Variants in MAJIN observed in about 807,000 individuals in gnomAD.
MAJIN encodes membrane anchored junction protein.
In MAJIN, 27 loss-of-function variants were observed where a neutral mutation model predicts 30.2. The ratio of observed to expected loss-of-function variants is 0.89; its 90% CI spans 0.66 to 1.23. MAJIN has a LOEUF of 1.23. Ranked by LOEUF, MAJIN falls within the 50% of genes most tolerant of loss-of-function variation. The probability of loss-of-function intolerance (pLI) is 0.00; values close to 1 mark genes in which losing one functional copy is unlikely to be tolerated. For synonymous variants in MAJIN, 78 were observed against 91.6 expected, an observed-to-expected ratio of 0.85 and a Z score of 0.85; for missense variants, 253 against 260.3, an observed-to-expected ratio of 0.97 and a Z score of 0.19.
intron 10 of MAJIN, 31 bp downstream of exon 10, chr11:64,939,630 TC>T: frequency 6.3e-7 from 1 of 1,586,618 alleles, no homozygotes; most frequent in Non-Finnish European, 8.6e-7. Flanking sequence ...GAGCTGGATC[TC>T]GAGTCTGATG....
At chr11:64,948,602 C>CATTCATACATATAT (rs1179607088) in intron 6 of MAJIN, among the ~76,000 whole-genome samples, 1 of 19,420 alleles carries the variant, frequency 5.1e-5, no homozygotes, top group Non-Finnish European at 8.2e-5. Context: ...CGGGCTACAT[C>CATTCATACATATAT]ATATATATAT....
intron 8 of MAJIN, chr11:64,946,160 T>C (rs1565124081): frequency 6.5e-7 from 1 of 1,533,614 alleles, no homozygotes; most frequent in South Asian, 1.2e-5. Flanking sequence ...GGCCCTGAGG[T>C]GGGGGGAAAA....
intron 1 of MAJIN, among the ~76,000 whole-genome samples, chr11:64,969,485 T>G (rs1590711211): frequency 6.8e-6 from 1 of 147,720 alleles, no homozygotes; most frequent in Non-Finnish European, 1.5e-5. Flanking sequence ...ACCAGATGGC[T>G]GTGACTTAAA....
chr11:64,941,516 G>A (rs987108303), intron 8 of MAJIN, among the ~76,000 whole-genome samples: 1 of 152,120 alleles, frequency 6.6e-6, no homozygotes, highest in African/African-American at 2.4e-5. Flanking sequence ...AATCAGCCGG[G>A]CGTGGTGGCA....
In MAJIN at chr11:64,940,835, C is replaced by CTTTTTTTTTTTTTTTTTTTTTTTTTTT. The variant is rs1168979344; in HGVS notation, c.474-190_474-189insAAAAAAAAAAAAAAAAAAAAAAAAAAA. On this transcript the variant is annotated intron_variant, in intron 8 of 10. Coordinates refer to ENST00000301896, the MANE Select transcript of MAJIN (RefSeq NM_001037225.3). ...CCTTTTTTCTTTTCTTTTTTTCTTTCTTTTTTTTTTTTTTTTTTTTTGAGA... is the reference window on the plus strand; with the variant it reads ...CCTTTTTTCTTTTCTTTTTTTCTTTCTTTTTTTTTTTTTTTTTTTTTTTTTTTTTTTTTTTTTTTTTTTTTTTTGAGA... Among the ~76,000 whole-genome samples, 67 of 88,556 alleles carry CTTTTTTTTTTTTTTTTTTTTTTTTTTT rather than the reference C, an allele frequency of 7.6e-4. 1 individual carries two copies. The highest frequency in any genetic ancestry group is 9.2e-4 in the South Asian group (2 of 2,180). 58.1% of individuals were successfully genotyped at this position (88,556 alleles called of 152,430 possible).
chr11:64,956,362 G>A (rs111326041), intron 3 of MAJIN, among the ~76,000 whole-genome samples: 6,934 of 151,780 alleles, frequency 0.046, 180 homozygotes, highest in Middle Eastern at 0.065. Context: ...GGTGGCGGGC[G>A]CCTGTAATTC....
At chr11:64,945,440 A>G (rs1370878936) in intron 8 of MAJIN, among the ~76,000 whole-genome samples, 1 of 151,968 alleles carries the variant, frequency 6.6e-6, no homozygotes, top group Non-Finnish European at 1.5e-5. Flanking sequence ...AAAGTTTCCT[A>G]AAGGGAAAAT....
chr11:64,940,593 G>A lies in MAJIN; in HGVS notation c.527C>T (p.Ser176Leu), dbSNP rs1247069216. ...KDCRRLWPLI[S>L]LMSRNKILSG... ...ACCTACCTTGTTTCTGGACATCAGT[G>A]ATATCAGAGGCCAGAGTCTCCTGCA... Residue 176 changes from serine (S) to leucine (L), a missense_variant, in exon 9 of 11, where the codon TCA (serine) becomes TTA (leucine). Ser to Leu is a moderately radical substitution (Grantham distance 145). Coordinates refer to ENST00000301896, the MANE Select transcript of MAJIN (RefSeq NM_001037225.3). The A allele has an allele frequency of 1.6e-5, 26 of 1,614,022 alleles. No homozygotes were observed. The highest frequency in any genetic ancestry group is 2.2e-5 in the Non-Finnish European group (26 of 1,179,910).
chr11:64,961,467 ATT>A (rs36053356), intron 1 of MAJIN, among the ~76,000 whole-genome samples: 6,867 of 58,234 alleles, frequency 0.12, 144 homozygotes, highest in East Asian at 0.21. Flanking sequence ...GTGCCCGGCA[ATT>A]TTTTTTTTTT....
Position 64,966,145 on chromosome 11 carries a change from G to GAAAAAAAAAAAAAA in MAJIN, c.-65+5718_-65+5731dup, listed in dbSNP as rs58387921. ...ACATGTAAGGAAGAAGATTAAAAAT[G>GAAAAAAAAAAAAAA]AAAAAAAAAAAAAAAAAAAAGCAGC... On this transcript the variant is annotated intron_variant, in intron 1 of 10. Transcript: ENST00000301896. Among the ~76,000 whole-genome samples, 29 of 57,122 alleles carry GAAAAAAAAAAAAAA rather than the reference G, an allele frequency of 5.1e-4. 4 individuals are homozygous for GAAAAAAAAAAAAAA. Among genetic ancestry groups the GAAAAAAAAAAAAAA allele is most frequent in the East Asian group, 8.6e-4 (1 of 1,158 alleles). 37.5% of individuals were successfully genotyped at this position (57,122 alleles called of 152,430 possible). A position where few individuals can be genotyped will look rare whatever the true frequency, so the allele number is the denominator to read the frequency against.
intron 3 of MAJIN, among the ~76,000 whole-genome samples, chr11:64,956,378 A>G (rs1945631991): frequency 6.6e-6 from 1 of 152,044 alleles, no homozygotes; most frequent in Non-Finnish European, 1.5e-5. Flanking sequence ...AATTCCAGTT[A>G]CTTGGGAGGT....
chr11:64,970,294 C>T (rs192457149), intron 1 of MAJIN, among the ~76,000 whole-genome samples: 24 of 147,660 alleles, frequency 1.6e-4, no homozygotes, highest in African/African-American at 5.7e-4. Flanking sequence ...ACCCAGCAGG[C>T]AGAGGTTGCA....
At chr11:64,938,990 C>T (rs759716481) in intron 10 of MAJIN, among the ~76,000 whole-genome samples, 3 of 152,212 alleles carry the variant, frequency 2.0e-5, no homozygotes, top group Non-Finnish European at 4.4e-5. Flanking sequence ...AGTGCAATGG[C>T]ACGATCTCAG....
chr11:64,949,458 A>G (rs1945514921), intron 6 of MAJIN, among the ~76,000 whole-genome samples: 1 of 152,226 alleles, frequency 6.6e-6, no homozygotes, highest in African/African-American at 2.4e-5. Context: ...TGTACTTTTC[A>G]TCTACTACTA....
chr11:64,944,405 T>C (rs1294598867), intron 8 of MAJIN, among the ~76,000 whole-genome samples: 1 of 152,236 alleles, frequency 6.6e-6, no homozygotes, highest in Non-Finnish European at 1.5e-5. Context: ...CTGTACACTG[T>C]TGGTGTATCC....
chr11:64,964,474 C>A (rs1317626349), intron 1 of MAJIN, among the ~76,000 whole-genome samples: 1 of 152,174 alleles, frequency 6.6e-6, no homozygotes, highest in Non-Finnish European at 1.5e-5. Flanking sequence ...TTGGCACACA[C>A]GTTTTTCATT....
chr11:64,947,702 T>C, intron 7 of MAJIN, 86 bp downstream of exon 7: 2 of 1,433,212 alleles, frequency 1.4e-6, no homozygotes, highest in Non-Finnish European at 2.0e-6. Context: ...GAGGGCAAAG[T>C]AAGGGGAAGA....
In MAJIN at chr11:64,966,840, A is replaced by G. The variant is rs577824320; in HGVS notation, c.-65+5037T>C. On this transcript the variant is annotated intron_variant, in intron 1 of 10. Coordinates refer to ENST00000301896, the MANE Select transcript of MAJIN (RefSeq NM_001037225.3). The stretch of plus-strand genomic sequence containing the variant: ...TTCCAGCTACTCAGGGGGCTGAGGC[A>G]GGAGAATCACTTGAACCCGGGAGAT... Among the ~76,000 whole-genome samples, 4 of 151,756 alleles carry G rather than the reference A, an allele frequency of 2.6e-5. No homozygotes were observed. The East Asian group carries it at 7.8e-4, about 29-fold the overall frequency.
At chr11:64,956,648 A>C (rs1945636943) in intron 3 of MAJIN, among the ~76,000 whole-genome samples, 1 of 152,054 alleles carries the variant, frequency 6.6e-6, no homozygotes, top group South Asian at 2.1e-4. Flanking sequence ...TAAAAAAAAA[A>C]CAAACCCAAA....
Sources: allele counts gnomAD v4.1 joint callset (sites outside exome capture counted in the v4.1 genomes callset), GRCh38; gene constraint gnomAD v4.1.1; transcripts MANE v1.5; gene names NCBI Gene and HGNC (gene_info 2026-07-23, HGNC 2026-07-21).